Variants in MRPL52 observed in about 807,000 individuals in gnomAD.
The protein encoded by MRPL52 is large ribosomal subunit protein mL52.
MRPL52 carries 19 observed loss-of-function variants against 22.1 expected under a neutral mutation model. The ratio of observed to expected loss-of-function variants is 0.86; its 90% CI spans 0.60 to 1.26. The LOEUF (loss-of-function observed/expected upper bound fraction) is 1.26. MRPL52 is among the 50% of genes most tolerant of loss of function. The pLI is 0.00. For synonymous variants in MRPL52, 50 were observed against 57.5 expected, an observed-to-expected ratio of 0.87 and a Z score of 0.59; for missense variants, 152 against 148.1, an observed-to-expected ratio of 1.03 and a Z score of -0.14.
intron 3 of MRPL52, chr14:22,831,105 G>GGTTT: frequency 9.9e-6 from 1 of 101,280 alleles, no homozygotes; most frequent in South Asian, 1.3e-4. Flanking sequence ...ACATATGACT[G>GGTTT]CTTTTTTTTT....
intron 3 of MRPL52, chr14:22,831,189 T>C: frequency 1.8e-6 from 1 of 560,060 alleles, no homozygotes; most frequent in Non-Finnish European, 3.1e-6. Flanking sequence ...CATCGCTCAC[T>C]GCAGCCTTGA....
Position 22,833,355 on chromosome 14 carries a change from T to G in MRPL52, c.155-63T>G, listed in dbSNP as rs1302846142. 3.9e-6 allele frequency: 4 copies of G among 1,016,424 alleles called. No individual in the cohort carries two copies. In the East Asian group the frequency reaches 9.5e-5, roughly 24 times the overall value. The allele number at this position is 1,016,424 out of a possible 1,614,324, so 63.0% of individuals were successfully genotyped here. A position where few individuals can be genotyped will look rare whatever the true frequency, so the allele number is the denominator to read the frequency against. On this transcript the variant is annotated intron_variant, in intron 3 of 4. Coordinates refer to ENST00000397496, the MANE Select transcript of MRPL52 (RefSeq NM_180982.3). ...GGTTCTTCCCTTATTCCTATCACAG[T>G]ATTTGCACAAGGTGATGCAGTCCAT...
At chr14:22,830,826 A>C in intron 3 of MRPL52, 1 of 590,974 alleles carries the variant, frequency 1.7e-6, no homozygotes, top group Non-Finnish European at 3.0e-6. Context: ...GTGTACAAGT[A>C]GGAAATTTGA....
At chr14:22,830,755 C>T (rs1566474434) in intron 3 of MRPL52, 1 of 499,772 alleles carries the variant, frequency 2.0e-6, no homozygotes. Context: ...TAAATATTAG[C>T]CCTAGAAGGG....
At chr14:22,831,777 T>G (rs1428110319) in intron 3 of MRPL52, 1 of 152,248 alleles carries the variant, frequency 6.6e-6, no homozygotes, top group Non-Finnish European at 1.5e-5. Flanking sequence ...ATACTGTGAA[T>G]AGCAAAAGCT....
At chr14:22,830,990 T>C (rs1465388171) in intron 3 of MRPL52, 9 of 1,534,364 alleles carry the variant, frequency 5.9e-6, no homozygotes, top group Non-Finnish European at 7.9e-6. Flanking sequence ...AATTGGATAA[T>C]TGGTGACTGA....
Position 22,834,336 on chromosome 14 carries a change from C to T in MRPL52, c.*15C>T. ...CAAGTCAATAAAAAGCAACTCCTGCCTCCCTTCCTCACCCTGTCTCTGGAT... is the reference window on the plus strand; with the variant it reads ...CAAGTCAATAAAAAGCAACTCCTGCTTCCCTTCCTCACCCTGTCTCTGGAT... On this transcript the variant is annotated 3_prime_UTR_variant, in exon 5 of 5. Transcript: ENST00000397496. 1 of 1,604,744 alleles carries T rather than the reference C, an allele frequency of 6.2e-7. No homozygotes were observed. Among genetic ancestry groups the T allele is most frequent in the Non-Finnish European group, 8.5e-7 (1 of 1,176,510 alleles).
chr14:22,831,047 C>G, intron 3 of MRPL52: 1 of 1,473,348 alleles, frequency 6.8e-7, no homozygotes, highest in South Asian at 1.2e-5. Flanking sequence ...TGTAAGAAGC[C>G]TGGCATCTCC....
chr14:22,831,597 C>T (rs1315313062), intron 3 of MRPL52: 1 of 152,232 alleles, frequency 6.6e-6, no homozygotes, highest in Non-Finnish European at 1.5e-5. Context: ...ATTGGTTCCC[C>T]TTCCTGGTAA....
rs1566476603 is a variant in MRPL52 at position 22,833,496 on chromosome 14, G to A, written c.219+14G>A. 4 of 1,601,316 alleles carry A rather than the reference G, an allele frequency of 2.5e-6. No homozygotes were observed. Among genetic ancestry groups the A allele is most frequent in the Non-Finnish European group, 3.4e-6 (4 of 1,168,362 alleles). On this transcript the variant is annotated intron_variant, in intron 4 of 4. Coordinates refer to ENST00000397496, the MANE Select transcript of MRPL52 (RefSeq NM_180982.3). ...GAGACGTTTGCAGTGAGTGGTTAGAGCAACAGCCAGGGCTACCTGGAAGGA... is the reference window on the plus strand; with the variant it reads ...GAGACGTTTGCAGTGAGTGGTTAGAACAACAGCCAGGGCTACCTGGAAGGA...
Position 22,833,639 on chromosome 14 carries a change from T to C in MRPL52, c.219+157T>C, listed in dbSNP as rs912530339. ...TTTTTTTGTTTTTGTTTTTGTTTTTTGTGAGACGGAGTTTCGCTCTTGATG... is the reference window on the plus strand; with the variant it reads ...TTTTTTTGTTTTTGTTTTTGTTTTTCGTGAGACGGAGTTTCGCTCTTGATG... On this transcript the variant is annotated intron_variant, in intron 4 of 4. Coordinates refer to ENST00000397496, the MANE Select transcript of MRPL52 (RefSeq NM_180982.3). 7.2e-5 allele frequency: 44 copies of C among 613,606 alleles called. No individual in the cohort carries two copies. In the Middle Eastern group the frequency reaches 1.3e-3, roughly 17 times the overall value. The allele number at this position is 613,606 out of a possible 1,614,324, so 38.0% of individuals were successfully genotyped here. A position where few individuals can be genotyped will look rare whatever the true frequency, so the allele number is the denominator to read the frequency against.
Position 22,834,379 on chromosome 14 carries a change from G to A in MRPL52, c.*58G>A. ...CTCTGGATTTCTTTTCTATCACCTA[G>A]ATGCTTCATCCAGCCAGAAGATAGC... On this transcript the variant is annotated 3_prime_UTR_variant, in exon 5 of 5. Transcript: ENST00000397496. The A allele has an allele frequency of 1.3e-6, 2 of 1,536,102 alleles. No homozygotes were observed. The highest frequency in any genetic ancestry group is 1.8e-6 in the Non-Finnish European group (2 of 1,141,532).
chr14:22,833,566 C>A, intron 4 of MRPL52, 84 bp downstream of exon 4: 2 of 932,576 alleles, frequency 2.1e-6, no homozygotes, highest in Non-Finnish European at 3.5e-6. Flanking sequence ...TGCACCTAAG[C>A]AAACATGTAC....
chr14:22,831,107 T>C (rs977646459), intron 3 of MRPL52: 9 of 406,030 alleles, frequency 2.2e-5, no homozygotes, highest in Non-Finnish European at 2.9e-5. Context: ...ATATGACTGC[T>C]TTTTTTTTTT....
At chr14:22,833,791 T>C (rs2039678420) in intron 4 of MRPL52, among the ~76,000 whole-genome samples, 1 of 152,072 alleles carries the variant, frequency 6.6e-6, no homozygotes, top group Non-Finnish European at 1.5e-5. Flanking sequence ...CCAGCTAACT[T>C]TGTATTTTTA....
rs781573647 is a variant in MRPL52, at chr14:22,834,237, G to A, written c.285G>A (p.Gln95=). The stretch of plus-strand genomic sequence containing the variant: ...TACAAGCATGGCAGCTCAGGCAGCA[G>A]AAGTTGCAGGAAGAACAAAGGAAGC... ...AGLQAWQLRQ[Q]KLQEEQRKQE... The change falls in exon 5 of 5, where the codon CAG becomes CAA. Residue 95 remains glutamine, a synonymous_variant. Transcript: ENST00000397496. 2.5e-6 allele frequency: 4 copies of A among 1,614,100 alleles called. No homozygotes were observed. In the African/African-American group the frequency reaches 5.3e-5, roughly 22 times the overall value.
At chr14:22,830,549 CA>C (rs1278741325) in intron 3 of MRPL52, 9 of 452,834 alleles carry the variant, frequency 2.0e-5, no homozygotes, top group African/African-American at 1.0e-4. Context: ...CAAAGGGGGA[CA>C]TTTTTTTTTA....
chr14:22,832,246 A>C (rs2039637165), intron 3 of MRPL52, among the ~76,000 whole-genome samples: 1 of 152,192 alleles, frequency 6.6e-6, no homozygotes, highest in Non-Finnish European at 1.5e-5. Context: ...CTGGAAGAAA[A>C]GGAAAAGAGG....
At chr14:22,832,902 G>A (rs1233156774) in intron 3 of MRPL52, among the ~76,000 whole-genome samples, 3 of 151,890 alleles carry the variant, frequency 2.0e-5, no homozygotes, top group South Asian at 2.1e-4. Flanking sequence ...AAAAAAGGCC[G>A]AGCACGGTGG....
Sources: allele counts gnomAD v4.1 joint callset (sites outside exome capture counted in the v4.1 genomes callset), GRCh38; gene constraint gnomAD v4.1.1; transcripts MANE v1.5; gene names NCBI Gene and HGNC (gene_info 2026-07-23, HGNC 2026-07-21).